ITGB3BP: variants seen among roughly 807,000 people sequenced by gnomAD.
ITGB3BP encodes centromere protein R.
In ITGB3BP, 27 loss-of-function variants were observed where a neutral mutation model predicts 29.1. The ratio of observed to expected loss-of-function variants is 0.93; its 90% CI spans 0.68 to 1.28. The LOEUF is 1.28. ITGB3BP is among the 50% of genes most tolerant of loss of function. ITGB3BP has a pLI of 0.00. For synonymous variants in ITGB3BP, 61 were observed against 61.4 expected (o/e 0.99, Z 0.03); for missense variants, 192 against 200.2 (o/e 0.96, Z 0.25).
intron 1 of ITGB3BP, among the ~76,000 whole-genome samples, chr1:63,516,769 A>T (rs1038774815): frequency 2.6e-5 from 4 of 151,934 alleles, no homozygotes; most frequent in Non-Finnish European, 4.4e-5. Context: ...ACATGTTCTC[A>T]TCTATTAGTG....
intron 1 of ITGB3BP, among the ~76,000 whole-genome samples, chr1:63,512,276 T>C (rs568499250): frequency 7.5e-4 from 114 of 152,268 alleles, no homozygotes; most frequent in African/African-American, 2.7e-3. Flanking sequence ...ACCTCTTTTC[T>C]ATTTAGCTTA....
chr1:63,447,428 A>T (rs1400021646), intron 7 of ITGB3BP: 3 of 384,186 alleles, frequency 7.8e-6, no homozygotes, highest in African/African-American at 2.1e-5. Flanking sequence ...CATAGATAAG[A>T]CTTTTTGTTT....
At chr1:63,520,078 T>A (rs1226973858) in intron 1 of ITGB3BP, among the ~76,000 whole-genome samples, 1 of 152,110 alleles carries the variant, frequency 6.6e-6, no homozygotes, top group African/African-American at 2.4e-5. Flanking sequence ...ATGGTACTTT[T>A]TAAAGGAAGC....
chr1:63,445,686 G>A (rs1196625437), intron 8 of ITGB3BP, among the ~76,000 whole-genome samples: 2 of 150,154 alleles, frequency 1.3e-5, no homozygotes, highest in South Asian at 2.1e-4. Flanking sequence ...CCTCTACCAC[G>A]TGGGCTCAAG....
intron 2 of ITGB3BP, among the ~76,000 whole-genome samples, chr1:63,503,011 T>C (rs570223553): frequency 2.0e-5 from 3 of 152,182 alleles, no homozygotes; most frequent in East Asian, 3.8e-4. Flanking sequence ...TGATTTATAA[T>C]CCTTTGGGGT....
At chr1:63,470,003 C>T (rs994748793) in intron 4 of ITGB3BP, among the ~76,000 whole-genome samples, 2 of 152,240 alleles carry the variant, frequency 1.3e-5, no homozygotes, top group African/African-American at 4.8e-5. Flanking sequence ...ATAGCATGAG[C>T]GATCTATGCC....
chr1:63,499,301 C>CA (rs1343074841), intron 2 of ITGB3BP, among the ~76,000 whole-genome samples: 1 of 151,918 alleles, frequency 6.6e-6, no homozygotes, highest in Non-Finnish European at 1.5e-5. Flanking sequence ...AGGCATGTGC[C>CA]ACCATGCCTG....
At chr1:63,455,518 C>T (rs1229539202) in intron 4 of ITGB3BP, among the ~76,000 whole-genome samples, 2 of 151,930 alleles carry the variant, frequency 1.3e-5, no homozygotes, top group Admixed American at 6.6e-5. Flanking sequence ...GATCATGGCT[C>T]ACTGCAGCCT....
chr1:63,527,738 T>A (rs1167294458), upstream of ITGB3BP: 1 of 152,224 alleles, frequency 6.6e-6, no homozygotes, highest in African/African-American at 2.4e-5. Context: ...ACTGAGTACA[T>A]GTTTTGGCAT....
rs1644899411 is a variant in ITGB3BP at position 63,454,095 on chromosome 1, C to T, written c.428-121G>A. 1.8e-6 allele frequency: 1 copy of T among 555,002 alleles called. No homozygotes were observed. Among genetic ancestry groups the T allele is most frequent in the Non-Finnish European group, 3.1e-6 (1 of 321,542 alleles). The allele number at this position is 555,002 out of a possible 1,614,324, so 34.4% of individuals were successfully genotyped here. A position where few individuals can be genotyped will look rare whatever the true frequency, so the allele number is the denominator to read the frequency against. ...CAAAATAATACATATTTATAAGTAC[C>T]AAATATAAAATATAATACCTTATTA... On this transcript the variant is annotated intron_variant, in intron 6 of 8. Coordinates refer to ENST00000271002, the MANE Select transcript of ITGB3BP (RefSeq NM_014288.5). This position sits in a 1 kb window ranked among gnomAD's most constrained non-coding sequence, Gnocchi z 4.1.
intron 2 of ITGB3BP, among the ~76,000 whole-genome samples, chr1:63,507,414 G>C (rs532346600): frequency 4.8e-4 from 73 of 152,274 alleles, no homozygotes; most frequent in African/African-American, 1.7e-3. Context: ...TTCATGAAGA[G>C]AACGGGTTCT....
intron 2 of ITGB3BP, among the ~76,000 whole-genome samples, chr1:63,505,262 T>G (rs1403783208): frequency 1.3e-5 from 2 of 152,202 alleles, no homozygotes; most frequent in African/African-American, 2.4e-5. Context: ...GTCGAGGAAT[T>G]TATCCATTTC....
At chr1:63,525,664 A>C (rs765105952), upstream of ITGB3BP, 1 of 1,601,618 alleles carries the variant, frequency 6.2e-7, no homozygotes, top group Non-Finnish European at 8.5e-7. Flanking sequence ...CCACTAACTG[A>C]AGAGGAAATA....
chr1:63,455,865 G>A (rs554130666), intron 4 of ITGB3BP, among the ~76,000 whole-genome samples: 1 of 142,604 alleles, frequency 7.0e-6, no homozygotes, highest in African/African-American at 2.6e-5. Context: ...GAATAAAAAG[G>A]TAAATTTTCT....
chr1:63,480,584 T>C (rs1044247318), intron 3 of ITGB3BP, among the ~76,000 whole-genome samples: 3 of 151,978 alleles, frequency 2.0e-5, no homozygotes, highest in African/African-American at 7.2e-5. Context: ...GTTCAGAAAC[T>C]GATTAATAAT....
chr1:63,515,985 G>A (rs1219742821), intron 1 of ITGB3BP, among the ~76,000 whole-genome samples: 1 of 151,584 alleles, frequency 6.6e-6, no homozygotes, highest in African/African-American at 2.4e-5. Flanking sequence ...ATCATCTTGT[G>A]TCCATCAATG....
intron 3 of ITGB3BP, among the ~76,000 whole-genome samples, chr1:63,489,659 G>A (rs1645603923): frequency 6.6e-6 from 1 of 151,870 alleles, no homozygotes; most frequent in Admixed American, 6.6e-5. Flanking sequence ...GCTATATAAA[G>A]ATATACTAAA....
Position 63,495,943 on chromosome 1 carries a change from T to C in ITGB3BP, c.49-5725A>G, listed in dbSNP as rs542828767. 1.1e-4 allele frequency among the ~76,000 whole-genome samples: 17 copies of C among 152,254 alleles called. No individual in the cohort carries two copies. The East Asian group carries it at 2.1e-3, about 19-fold the overall frequency. On this transcript the variant is annotated intron_variant, in intron 2 of 8. Transcript: ENST00000271002. ...CTCAGGTAGATTAGGGCAGGGCTTTTCCATGTGTCTACTCATAACCCATTC... is the reference window on the plus strand; with the variant it reads ...CTCAGGTAGATTAGGGCAGGGCTTTCCCATGTGTCTACTCATAACCCATTC...
chr1:63,512,934 C>T (rs1045598158), intron 1 of ITGB3BP, among the ~76,000 whole-genome samples: 1 of 152,146 alleles, frequency 6.6e-6, no homozygotes, highest in Non-Finnish European at 1.5e-5. Flanking sequence ...GGACATTTTT[C>T]AAGACTGCAG....
Sources: allele counts gnomAD v4.1 joint callset (sites outside exome capture counted in the v4.1 genomes callset), GRCh38; gene constraint gnomAD v4.1.1; non-coding constraint Gnocchi (gnomAD v3.1); transcripts MANE v1.5; gene names NCBI Gene and HGNC (gene_info 2026-07-23, HGNC 2026-07-21).